Variants in RIC1 observed in about 807,000 individuals in gnomAD.
RIC1 encodes the protein guanine nucleotide exchange factor subunit RIC1.
Under a neutral mutation model 169.0 loss-of-function variants are expected in RIC1, and 88 were observed. The ratio of observed to expected loss-of-function variants is 0.52; its 90% confidence interval spans 0.44 to 0.62. The LOEUF is 0.62. RIC1 is among the 20% of genes least tolerant of loss of function. RIC1 has a pLI of 0.00. For missense variants in RIC1, 1,877 were observed against 1,725.5 expected, an observed-to-expected ratio of 1.09 and a Z score of -1.56; for synonymous variants, 790 against 601.5, an observed-to-expected ratio of 1.31 and a Z score of -4.59.
intron 7 of RIC1, among the ~76,000 whole-genome samples, chr9:5,736,486 C>A (rs1225902424): frequency 1.3e-5 from 2 of 152,128 alleles, no homozygotes; most frequent in African/African-American, 4.8e-5. Context: ...TTGTAGGCTG[C>A]AGCACAGGAT....
chr9:5,683,557 CT>C (rs1820995337), intron 2 of RIC1, among the ~76,000 whole-genome samples: 1 of 152,214 alleles, frequency 6.6e-6, no homozygotes, highest in Non-Finnish European at 1.5e-5. Context: ...TCTGTCCCTA[CT>C]GGGGGGTGCC....
At chr9:5,680,319 C>T (rs576705053) in intron 2 of RIC1, among the ~76,000 whole-genome samples, 4 of 152,298 alleles carry the variant, frequency 2.6e-5, no homozygotes, top group East Asian at 3.9e-4. Context: ...TGTTGTGTCT[C>T]TGCCAGGCTT....
chr9:5,716,009 T>C (rs1823219447), intron 4 of RIC1, among the ~76,000 whole-genome samples: 1 of 152,030 alleles, frequency 6.6e-6, no homozygotes, highest in African/African-American at 2.4e-5. Flanking sequence ...AGCACGCTAA[T>C]TTTTTGTACT....
chr9:5,706,567 C>T (rs1231655654), intron 3 of RIC1, among the ~76,000 whole-genome samples: 2 of 151,976 alleles, frequency 1.3e-5, no homozygotes, highest in Non-Finnish European at 2.9e-5. Flanking sequence ...ACTAATTAAG[C>T]CATCTTGTTT....
chr9:5,751,080 CTT>C (rs751574816), intron 12 of RIC1, among the ~76,000 whole-genome samples: 2 of 151,670 alleles, frequency 1.3e-5, no homozygotes, highest in African/African-American at 2.4e-5. Context: ...ATTAGAAACT[CTT>C]TGTGTTAGAA....
intron 3 of RIC1, among the ~76,000 whole-genome samples, chr9:5,691,540 A>G (rs1222940634): frequency 6.6e-6 from 1 of 152,004 alleles, no homozygotes; most frequent in Non-Finnish European, 1.5e-5. Context: ...AATTTTTGAC[A>G]CATAAATATA....
At chr9:5,706,505 T>A (rs1462301401) in intron 3 of RIC1, among the ~76,000 whole-genome samples, 1 of 152,160 alleles carries the variant, frequency 6.6e-6, no homozygotes, top group Non-Finnish European at 1.5e-5. Context: ...TTTTTTTTAA[T>A]AACATCTTGA....
chr9:5,775,181 A>G lies in RIC1; in HGVS notation c.*935A>G, dbSNP rs576786368. ...ATGAAATGCAGCAAGTTTTGTGCAA[A>G]TTAACATAGTCTCTTATTTATTGCT... On this transcript the variant is annotated 3_prime_UTR_variant, in exon 26 of 26. Coordinates refer to ENST00000414202, the MANE Select transcript of RIC1 (RefSeq NM_020829.4). 1 of 152,368 alleles carries G rather than the reference A, an allele frequency of 6.6e-6. No homozygotes were observed. Among genetic ancestry groups the G allele is most frequent in the South Asian group, 2.1e-4 (1 of 4,828 alleles). The allele number at this position is 152,368 out of a possible 1,614,324, so 9.4% of individuals were successfully genotyped here.
intron 1 of RIC1, among the ~76,000 whole-genome samples, chr9:5,641,519 G>A (rs573043099): frequency 3.3e-5 from 5 of 152,172 alleles, no homozygotes; most frequent in African/African-American, 9.6e-5. Context: ...TTCTACTCCG[G>A]TCTCTTTCTC....
At chr9:5,735,703 G>C (rs1363223861) in intron 7 of RIC1, among the ~76,000 whole-genome samples, 1 of 152,216 alleles carries the variant, frequency 6.6e-6, no homozygotes, top group African/African-American at 2.4e-5. Flanking sequence ...CCTTAGAGTT[G>C]TGTAAGAAGC....
At chr9:5,649,468 G>A (rs1818688060) in intron 1 of RIC1, among the ~76,000 whole-genome samples, 1 of 152,012 alleles carries the variant, frequency 6.6e-6, no homozygotes, top group African/African-American at 2.4e-5. Context: ...CATTGCTGAA[G>A]CACTTGAATG....
Position 5,709,333 on chromosome 9 carries a change from G to A in RIC1, c.333-4563G>A, listed in dbSNP as rs532213238. ...TTAGCATTCATTCCATTATTTCTAC[G>A]TGCAGACAGAGGTTACTGTGTTAGT... On this transcript the variant is annotated intron_variant, in intron 3 of 25. Coordinates refer to ENST00000414202, the MANE Select transcript of RIC1 (RefSeq NM_020829.4). Among the ~76,000 whole-genome samples, 14 of 152,158 alleles carry A rather than the reference G, an allele frequency of 9.2e-5. No homozygotes were observed. The South Asian group carries it at 1.0e-3, about 11-fold the overall frequency.
At chr9:5,632,284 A>C (rs1341127262) in intron 1 of RIC1, among the ~76,000 whole-genome samples, 1 of 152,216 alleles carries the variant, frequency 6.6e-6, no homozygotes, top group East Asian at 1.9e-4. Flanking sequence ...CAATGTTCAA[A>C]AGAATTGTGG....
chr9:5,761,450 C>T (rs569206223), intron 17 of RIC1, among the ~76,000 whole-genome samples: 21 of 152,184 alleles, frequency 1.4e-4, no homozygotes, highest in African/African-American at 4.6e-4. Flanking sequence ...GATGCTGGTA[C>T]AGTCGTCTCT....
At position 5,756,303 on chromosome 9, in the gene RIC1, A is replaced by T. The variant is rs778516132; in HGVS notation, c.1784A>T (p.Gln595Leu). 1 of 1,600,402 alleles carries T rather than the reference A, an allele frequency of 6.2e-7. No homozygotes were observed. The highest frequency in any genetic ancestry group is 8.5e-7 in the Non-Finnish European group (1 of 1,171,688). ...GAAACATTACTGCTTAGTGTCTTCCAGGACATGGTAATAGTATTTAGAGCA... is the reference window on the plus strand; with the variant it reads ...GAAACATTACTGCTTAGTGTCTTCCTGGACATGGTAATAGTATTTAGAGCA... ...QAETLLLSVFQDMVIVFRADC... is the reference protein window; with the variant it reads ...QAETLLLSVFLDMVIVFRADC... Residue 595 changes from glutamine to leucine, a missense_variant, in exon 16 of 26, where the codon CAG (glutamine) becomes CTG (leucine). Coordinates refer to ENST00000414202, the MANE Select transcript of RIC1 (RefSeq NM_020829.4).
At chr9:5,739,073 C>A (rs927144978) in intron 8 of RIC1, among the ~76,000 whole-genome samples, 4 of 152,118 alleles carry the variant, frequency 2.6e-5, no homozygotes, top group Non-Finnish European at 5.9e-5. Context: ...AAAGATGTAG[C>A]TGCTGCCCTT....
intron 6 of RIC1, among the ~76,000 whole-genome samples, chr9:5,729,849 CT>C (rs71487828): frequency 0.44 from 66,225 of 149,914 alleles, 15,571 homozygotes; most frequent in East Asian, 0.85. Flanking sequence ...AGAAAAAACT[CT>C]TTTTTTTTTC....
intron 10 of RIC1, 110 bp from the exon 11 acceptor site, chr9:5,745,821 A>G (rs1419898455): frequency 3.3e-6 from 3 of 896,376 alleles, no homozygotes; most frequent in Non-Finnish European, 5.0e-6. Flanking sequence ...TTCACAAATC[A>G]TTAATAATGC....
intron 8 of RIC1, among the ~76,000 whole-genome samples, chr9:5,740,999 A>T (rs1464834670): frequency 1.3e-5 from 2 of 152,060 alleles, no homozygotes; most frequent in South Asian, 4.1e-4. Context: ...CCTCCCATAC[A>T]TCCCTTGGAA....
Sources: gnomAD v4.1 joint callset for allele counts (sites outside exome capture counted in the v4.1 genomes callset) on GRCh38, gnomAD v4.1.1 for gene constraint, MANE v1.5 for transcripts, NCBI Gene and HGNC (gene_info 2026-07-23, HGNC 2026-07-21) for gene names.